Variants in CDC42BPA observed in about 807,000 individuals in gnomAD.
CDC42BPA encodes CDC42 binding protein kinase alpha.
Under a neutral mutation model 223.5 loss-of-function variants are expected in CDC42BPA, and 80 were observed. The ratio of observed to expected loss-of-function variants is 0.36; its 90% CI spans 0.30 to 0.43. The LOEUF (loss-of-function observed/expected upper bound fraction) is 0.43, where lower values mean the gene tolerates loss of function less well. Ranked by LOEUF, CDC42BPA falls within the 20% of genes least tolerant of loss-of-function variation. The probability of loss-of-function intolerance (pLI) is 1.00; values close to 1 mark genes in which losing one functional copy is unlikely to be tolerated. For missense variants in CDC42BPA, 1,743 were observed against 2,099.9 expected (o/e 0.83, Z 3.32); for synonymous variants, 694 against 718.6 (o/e 0.97, Z 0.55).
At chr1:227,252,277 G>A (rs1238960321) in intron 2 of CDC42BPA, among the ~76,000 whole-genome samples, 3 of 152,082 alleles carry the variant, frequency 2.0e-5, no homozygotes, top group African/African-American at 7.2e-5. Context: ...AATAAAAAGA[G>A]AGAGAAATGA....
At chr1:227,213,061 G>A in intron 3 of CDC42BPA, 75 bp downstream of exon 3, 2 of 732,022 alleles carry the variant, frequency 2.7e-6, no homozygotes, top group Non-Finnish European at 4.4e-6. Flanking sequence ...AATATTTAAT[G>A]AGCTCTATGG....
At chr1:227,111,734 C>T (rs567970072) in intron 14 of CDC42BPA, among the ~76,000 whole-genome samples, 6 of 152,250 alleles carry the variant, frequency 3.9e-5, no homozygotes, top group East Asian at 1.9e-4. Context: ...CTGCCCATCC[C>T]GGCCTCCCAA....
At position 226,994,031 on chromosome 1, in the gene CDC42BPA, T is replaced by C. The variant is rs2148202219; in HGVS notation, c.*237A>G. The stretch of plus-strand genomic sequence containing the variant: ...GTTACTGAAAGCAACTCTAAGTGCA[T>C]GGAATGAAATCAACGTTAATCTAAG... On this transcript the variant is annotated 3_prime_UTR_variant, in exon 37 of 37. Coordinates refer to ENST00000366766, the MANE Select transcript of CDC42BPA (RefSeq NM_001394014.1). The surrounding 1 kb of genome is among the most constrained non-coding windows in gnomAD (Gnocchi z 4.0). 2.1e-6 allele frequency: 1 copy of C among 474,012 alleles called. No homozygotes were observed. The highest frequency in any genetic ancestry group is 3.8e-6 in the Non-Finnish European group (1 of 263,460). The allele number at this position is 474,012 out of a possible 1,614,324, so 29.4% of individuals were successfully genotyped here.
chr1:227,250,730 T>C (rs1195962724), intron 2 of CDC42BPA, among the ~76,000 whole-genome samples: 1 of 151,824 alleles, frequency 6.6e-6, no homozygotes, highest in African/African-American at 2.4e-5. Flanking sequence ...AATCAGATAA[T>C]TTGTTATCAG....
At chr1:227,010,984 A>G (rs1665069436) in intron 34 of CDC42BPA, 1 of 1,362,312 alleles carries the variant, frequency 7.3e-7, no homozygotes, top group Non-Finnish European at 9.8e-7. Context: ...ATTAACAGTC[A>G]TGTGATAGAT....
chr1:227,019,492 T>TA (rs1409671069), intron 32 of CDC42BPA, among the ~76,000 whole-genome samples: 8 of 152,330 alleles, frequency 5.3e-5, no homozygotes, highest in Middle Eastern at 3.4e-3. Context: ...CATACGTTCT[T>TA]AATGGCATCT....
chr1:227,268,643 A>ATATATAGT (rs1553426703), intron 1 of CDC42BPA, among the ~76,000 whole-genome samples: 44 of 143,982 alleles, frequency 3.1e-4, no homozygotes, highest in Middle Eastern at 3.7e-3. Flanking sequence ...GTATATATAT[A>ATATATAGT]GTGTGTGTGT....
intron 5 of CDC42BPA, among the ~76,000 whole-genome samples, chr1:227,172,651 G>A (rs1666292524): frequency 6.6e-6 from 1 of 152,056 alleles, no homozygotes. Flanking sequence ...CCTACCATGA[G>A]TAGGATAGAT....
chr1:227,089,519 C>G (rs548043665), intron 16 of CDC42BPA, among the ~76,000 whole-genome samples: 4 of 152,164 alleles, frequency 2.6e-5, no homozygotes, highest in African/African-American at 9.6e-5. Context: ...GGAATAAATA[C>G]TGCCCTGTAA....
chr1:227,256,948 G>GACAC (rs55961981), intron 1 of CDC42BPA, among the ~76,000 whole-genome samples: 4,819 of 141,048 alleles, frequency 0.034, 129 homozygotes, highest in East Asian at 0.086. Flanking sequence ...TATATATACA[G>GACAC]ACACACACAC....
intron 5 of CDC42BPA, among the ~76,000 whole-genome samples, chr1:227,191,698 T>C (rs1272601500): frequency 7.0e-6 from 1 of 143,760 alleles, no homozygotes; most frequent in Non-Finnish European, 1.5e-5. Context: ...TTCAACGAAA[T>C]AGTATTTTCT....
chr1:227,066,861 G>A (rs1677202458), intron 21 of CDC42BPA, among the ~76,000 whole-genome samples: 1 of 152,128 alleles, frequency 6.6e-6, no homozygotes, highest in African/African-American at 2.4e-5. Flanking sequence ...TGCCTGATGA[G>A]CAAATTTAGG....
chr1:227,273,436 G>A (rs1209456003), intron 1 of CDC42BPA, among the ~76,000 whole-genome samples: 11 of 151,730 alleles, frequency 7.2e-5, no homozygotes, highest in Non-Finnish European at 1.0e-4. Flanking sequence ...GCGTGGTGGC[G>A]CATGCCTGTA....
intron 14 of CDC42BPA, among the ~76,000 whole-genome samples, chr1:227,105,791 T>C (rs1458382064): frequency 6.6e-6 from 1 of 152,230 alleles, no homozygotes; most frequent in African/African-American, 2.4e-5. Flanking sequence ...TTCCTTTTCA[T>C]AGATAAATGA....
intron 1 of CDC42BPA, among the ~76,000 whole-genome samples, chr1:227,296,559 A>G (rs886315851): frequency 5.3e-5 from 8 of 151,928 alleles, no homozygotes; most frequent in African/African-American, 1.9e-4. Flanking sequence ...TACAAAAATT[A>G]GCTGGGCATG....
chr1:227,121,240 A>C (rs944957376), intron 11 of CDC42BPA, among the ~76,000 whole-genome samples: 1 of 152,202 alleles, frequency 6.6e-6, no homozygotes, highest in Non-Finnish European at 1.5e-5. Flanking sequence ...TCTATACAGT[A>C]TCCTCAAGTC....
Position 227,073,935 on chromosome 1 carries a change from T to C in CDC42BPA, c.2664A>G (p.Ala888=). The change falls in exon 19 of 37, where the codon GCA becomes GCG. Residue 888 remains alanine (A), a synonymous_variant. Coordinates refer to ENST00000366766, the MANE Select transcript of CDC42BPA (RefSeq NM_001394014.1). ...ARLELQSALD[A]EIRAKQAIQE... ...GGATGGCCTGTTTGGCTCTTATTTC[T>C]GCATCCAGAGCCGACTGCAACTCCA... is the stretch of plus-strand genomic sequence containing the variant. The C allele has an allele frequency of 1.2e-6, 2 of 1,611,520 alleles. No individual in the cohort carries two copies. Among genetic ancestry groups the C allele is most frequent in the Non-Finnish European group, 1.7e-6 (2 of 1,179,198 alleles).
rs796698722 is a variant in CDC42BPA at position 227,071,705 on chromosome 1, G to A, written c.2827+503C>T. ...CATTGTTTCCTCAACTACCCTGAAA[G>A]TGAATCCCACCCCCCCCCCCCCAAT... On this transcript the variant is annotated intron_variant, in intron 20 of 36. Transcript: ENST00000366766. Among the ~76,000 whole-genome samples the A allele has an allele frequency of 6.8e-4, 30 of 44,124 alleles. 1 individual carries two copies. Among genetic ancestry groups the A allele is most frequent in the African/African-American group, 2.4e-3 (29 of 11,890 alleles). 28.9% of individuals were successfully genotyped at this position (44,124 alleles called of 152,430 possible).
chr1:227,277,047 C>T (rs36055753), intron 1 of CDC42BPA, among the ~76,000 whole-genome samples: 9,044 of 147,256 alleles, frequency 0.061, 286 homozygotes, highest in Non-Finnish European at 0.073. Flanking sequence ...TCCCCCTCTC[C>T]GAGAAACACC....
Sources: gnomAD v4.1 joint callset for allele counts (sites outside exome capture counted in the v4.1 genomes callset) on GRCh38, gnomAD v4.1.1 for gene constraint, Gnocchi (gnomAD v3.1) non-coding constraint, MANE v1.5 for transcripts, NCBI Gene and HGNC (gene_info 2026-07-23, HGNC 2026-07-21) for gene names.